Variants in FAM180B observed in about 807,000 individuals in gnomAD.
FAM180B encodes family with sequence similarity 180 member B, also known as protein FAM180B.
In FAM180B, 14 loss-of-function variants were observed where a neutral mutation model predicts 13.6. The ratio of observed to expected loss-of-function variants is 1.03; its 90% CI spans 0.68 to 1.60. The LOEUF is 1.60. Ranked by LOEUF, FAM180B falls within the 40% of genes most tolerant of loss-of-function variation. The pLI is 0.00. For synonymous variants in FAM180B, 109 were observed against 97.0 expected, an observed-to-expected ratio of 1.12 and a Z score of -0.72; for missense variants, 212 against 230.4, an observed-to-expected ratio of 0.92 and a Z score of 0.52.
rs2097272775 is a variant in FAM180B, at chr11:47,588,198, G to A, written c.316G>A (p.Asp106Asn). ...GTEQWLQQLQDLRKGPPLSTW... is the reference protein window; with the variant it reads ...GTEQWLQQLQNLRKGPPLSTW... ...TGAGCAGTGGCTGCAGCAGCTCCAG[G>A]ACCTGCGGAAGGGGCCTCCTCTTAG... is the stretch of plus-strand genomic sequence containing the variant. The change falls in exon 3 of 3, where the codon GAC becomes AAC. Residue 106 changes from aspartate (D) to asparagine (N), a missense_variant. Asp to Asn is a conservative substitution (Grantham distance 23). Coordinates refer to ENST00000538490, the MANE Select transcript of FAM180B (RefSeq NM_001164379.3). The A allele has an allele frequency of 2.6e-6, 4 of 1,537,172 alleles. No individual in the cohort carries two copies. The highest frequency in any genetic ancestry group is 3.5e-6 in the Non-Finnish European group (4 of 1,146,854).
Position 47,587,857 on chromosome 11 carries a change from C to A in FAM180B, c.156+36C>A, listed in dbSNP as rs768673064. ...CCAGCCTGGGACATGGGGGTGGGCACGTCCAGAGGTCCCTAAGCTCAGGGT... is the reference window on the plus strand; with the variant it reads ...CCAGCCTGGGACATGGGGGTGGGCAAGTCCAGAGGTCCCTAAGCTCAGGGT... On this transcript the variant is annotated intron_variant, in intron 2 of 2. Coordinates refer to ENST00000538490, the MANE Select transcript of FAM180B (RefSeq NM_001164379.3). 3 of 1,493,118 alleles carry A rather than the reference C, an allele frequency of 2.0e-6. No homozygotes were observed. In the South Asian group the frequency reaches 3.8e-5, roughly 19 times the overall value. 92.5% of individuals were successfully genotyped at this position (1,493,118 alleles called of 1,614,324 possible).
Position 47,588,366 on chromosome 11 carries a change from G to A in FAM180B, c.484G>A (p.Gly162Ser), listed in dbSNP as rs1468403330. The part of the protein sequence containing the change: ...AQETLWDLCK[G>S]FCPQDRPPSL... ...GGAAACACTCTGGGACCTGTGCAAA[G>A]GTTTCTGCCCCCAGGACCGGCCCCC... Residue 162 changes from glycine to serine, a missense_variant, in exon 3 of 3, where the codon GGT becomes AGT. Gly to Ser is a moderately conservative substitution (Grantham distance 56). Coordinates refer to ENST00000538490, the MANE Select transcript of FAM180B (RefSeq NM_001164379.3). 1 of 1,533,916 alleles carries A rather than the reference G, an allele frequency of 6.5e-7. No homozygotes were observed. Among genetic ancestry groups the A allele is most frequent in the South Asian group, 1.2e-5 (1 of 83,972 alleles).
intron 2 of FAM180B, 39 bp from the exon 3 acceptor site, chr11:47,588,000 C>G: frequency 6.7e-7 from 1 of 1,500,358 alleles, no homozygotes; most frequent in East Asian, 2.5e-5. Flanking sequence ...GCCCTGCTCC[C>G]CAGGCCACAG....
rs1565945982 is a variant in FAM180B, at chr11:47,588,134, C to A, written c.252C>A (p.Leu84=). The A allele has an allele frequency of 6.5e-7, 1 of 1,537,232 alleles. No homozygotes were observed. Among genetic ancestry groups the A allele is most frequent in the East Asian group, 2.4e-5 (1 of 40,914 alleles). The change falls in exon 3 of 3, where the codon CTC becomes CTA. Residue 84 remains leucine (L), a synonymous_variant. Coordinates refer to ENST00000538490, the MANE Select transcript of FAM180B (RefSeq NM_001164379.3). Reference sequence around the variant, plus strand: ...CACACCCAGGCCGCCGACTCAGACTCCTCCTGCAGCACCACGTGCCCAGTG... The same window carrying A: ...CACACCCAGGCCGCCGACTCAGACTACTCCTGCAGCACCACGTGCCCAGTG... The part of the protein sequence containing the change: ...ASTHPGRRLR[L]LLQHHVPSDL...
At position 47,588,422 on chromosome 11, in the gene FAM180B, C is replaced by G. The variant is rs2097272992; in HGVS notation, c.540C>G (p.Asp180Glu). The change falls in exon 3 of 3, where the codon GAC becomes GAG. Residue 180 changes from aspartate to glutamate, a missense_variant. Coordinates refer to ENST00000538490, the MANE Select transcript of FAM180B (RefSeq NM_001164379.3). ...PSLGSWASIL[D>E]PFP is the part of the protein sequence containing the mutation. ...TGGGGTCCTGGGCCTCCATCCTTGACCCCTTCCCCTGACCCTCCTCTTTTG... is the reference window on the plus strand; with the variant it reads ...TGGGGTCCTGGGCCTCCATCCTTGAGCCCTTCCCCTGACCCTCCTCTTTTG... 1 of 1,494,060 alleles carries G rather than the reference C, an allele frequency of 6.7e-7. No homozygotes were observed. Among genetic ancestry groups the G allele is most frequent in the Non-Finnish European group, 8.9e-7 (1 of 1,120,222 alleles). 92.6% of individuals were successfully genotyped at this position (1,494,060 alleles called of 1,614,324 possible). A position where few individuals can be genotyped will look rare whatever the true frequency, so the allele number is the denominator to read the frequency against.
chr11:47,587,896 G>A, intron 2 of FAM180B, 75 bp downstream of exon 2: 3 of 1,426,406 alleles, frequency 2.1e-6, no homozygotes, highest in Non-Finnish European at 2.8e-6. Context: ...GAAGGGGGAT[G>A]TCTCAGGGTG....
In FAM180B at chr11:47,586,805, G is replaced by A. The variant is rs753467875; in HGVS notation, c.37G>A (p.Val13Ile). ...ATLQFLVCLV[V>I]AICLLSGVTT... Reference sequence around the variant, plus strand: ...CCTGCAGTTCCTGGTTTGCCTGGTGGTAGCCATTTGTCTCCTCTCTGGTGT... The same window carrying A: ...CCTGCAGTTCCTGGTTTGCCTGGTGATAGCCATTTGTCTCCTCTCTGGTGT... The change falls in exon 1 of 3, where the codon GTA becomes ATA. Residue 13 changes from valine to isoleucine, a missense_variant. Val to Ile is a conservative substitution (Grantham distance 29). Coordinates refer to ENST00000538490, the MANE Select transcript of FAM180B (RefSeq NM_001164379.3). The A allele has an allele frequency of 3.3e-6, 5 of 1,537,268 alleles. No individual in the cohort carries two copies. In the South Asian group the frequency reaches 5.9e-5, roughly 18 times the overall value.
Position 47,588,616 on chromosome 11 carries a change from T to G in FAM180B, c.*182T>G. 1.8e-6 allele frequency: 1 copy of G among 549,794 alleles called. No homozygotes were observed. The highest frequency in any genetic ancestry group is 3.2e-6 in the Non-Finnish European group (1 of 309,726). 34.1% of individuals were successfully genotyped at this position (549,794 alleles called of 1,614,324 possible). A position where few individuals can be genotyped will look rare whatever the true frequency, so the allele number is the denominator to read the frequency against. ...TCTGCTTACCCCGACCAGATCTTGT[T>G]TCCTAGATCTTGAGAGGCTAAGAAC... On this transcript the variant is annotated 3_prime_UTR_variant, in exon 3 of 3. Coordinates refer to ENST00000538490, the MANE Select transcript of FAM180B (RefSeq NM_001164379.3).
rs2097271872 is a variant in FAM180B, at chr11:47,586,846, C to T, written c.78C>T (p.Pro26=). The T allele has an allele frequency of 6.5e-7, 1 of 1,536,354 alleles. No individual in the cohort carries two copies. Residue 26 remains proline, a synonymous_variant, in exon 1 of 3, where the codon CCC becomes CCT. Coordinates refer to ENST00000538490, the MANE Select transcript of FAM180B (RefSeq NM_001164379.3). The stretch of plus-strand genomic sequence containing the variant: ...TCTCTGGTGTGACTACAACCCAGCC[C>T]CATGCAGGTACCAGGCTTCAGGGTG... The part of the protein sequence containing the change: ...CLLSGVTTTQ[P]HAGQPMDSTS...
At position 47,588,461 on chromosome 11, in the gene FAM180B, C is replaced by A; in HGVS notation, c.*27C>A. 1 of 1,365,212 alleles carries A rather than the reference C, an allele frequency of 7.3e-7. No individual in the cohort carries two copies. Among genetic ancestry groups the A allele is most frequent in the South Asian group, 1.4e-5 (1 of 69,676 alleles). The allele number at this position is 1,365,212 out of a possible 1,614,324, so 84.6% of individuals were successfully genotyped here. On this transcript the variant is annotated 3_prime_UTR_variant, in exon 3 of 3. Transcript: ENST00000538490. ...CCTCCTCTTTTGTTCTTTCACCTGC[C>A]ATTACCCCCTCCCATCTCCTCCTCA...
chr11:47,587,882 T>A lies in FAM180B; in HGVS notation c.156+61T>A, dbSNP rs2153795760. 3 of 1,454,542 alleles carry A rather than the reference T, an allele frequency of 2.1e-6. No individual in the cohort carries two copies. In the East Asian group the frequency reaches 7.4e-5, roughly 36 times the overall value. The allele number at this position is 1,454,542 out of a possible 1,614,324, so 90.1% of individuals were successfully genotyped here. On this transcript the variant is annotated intron_variant, in intron 2 of 2. Coordinates refer to ENST00000538490, the MANE Select transcript of FAM180B (RefSeq NM_001164379.3). ...CGTCCAGAGGTCCCTAAGCTCAGGG[T>A]TGGGAAGGGGGATGTCTCAGGGTGG...
In FAM180B at chr11:47,587,544, G is replaced by C. The variant is rs561472579; in HGVS notation, c.86-207G>C. On this transcript the variant is annotated intron_variant, in intron 1 of 2. Coordinates refer to ENST00000538490, the MANE Select transcript of FAM180B (RefSeq NM_001164379.3). ...GCTTGGAATGATGCTTTTGAGATCA[G>C]AGGACCTATGCCTGGGAGGGTGAAT... Among the ~76,000 whole-genome samples the C allele has an allele frequency of 5.9e-5, 9 of 152,344 alleles. 1 individual carries two copies. In the South Asian group the frequency reaches 1.9e-3, roughly 32 times the overall value.
intron 1 of FAM180B, among the ~76,000 whole-genome samples, chr11:47,587,320 G>A (rs769454553): frequency 6.6e-6 from 1 of 152,148 alleles, no homozygotes; most frequent in Non-Finnish European, 1.5e-5. Flanking sequence ...GAGGAGCAGG[G>A]AGAGTAGGCT....
Position 47,588,343 on chromosome 11 carries a change from A to G in FAM180B, c.461A>G (p.Glu154Gly). Reference sequence around the variant, plus strand: ...CAGGTCTTCGCTCTCCTGGCACAGGAAACACTCTGGGACCTGTGCAAAGGT... The same window carrying G: ...CAGGTCTTCGCTCTCCTGGCACAGGGAACACTCTGGGACCTGTGCAAAGGT... ...WAQVFALLAQETLWDLCKGFC... is the reference protein window; with the variant it reads ...WAQVFALLAQGTLWDLCKGFC... The change falls in exon 3 of 3, where the codon GAA (glutamate) becomes GGA (glycine). Residue 154 changes from glutamate to glycine, a missense_variant. Glu to Gly is a moderately conservative substitution (Grantham distance 98, BLOSUM62 -2). Coordinates refer to ENST00000538490, the MANE Select transcript of FAM180B (RefSeq NM_001164379.3). 1.3e-6 allele frequency: 2 copies of G among 1,536,916 alleles called. No individual in the cohort carries two copies. The highest frequency in any genetic ancestry group is 8.7e-7 in the Non-Finnish European group (1 of 1,146,700).
In FAM180B at chr11:47,586,863, T is replaced by C. The variant is rs1451018043; in HGVS notation, c.85+10T>C. On this transcript the variant is annotated intron_variant, in intron 1 of 2. Transcript: ENST00000538490. ...ACCCAGCCCCATGCAGGTACCAGGC[T>C]TCAGGGTGGGTGGAGAGGAGCCAAG... 2 of 1,531,072 alleles carry C rather than the reference T, an allele frequency of 1.3e-6. No homozygotes were observed. The highest frequency in any genetic ancestry group is 2.4e-5 in the South Asian group (2 of 83,952). 94.8% of individuals were successfully genotyped at this position (1,531,072 alleles called of 1,614,324 possible). A position where few individuals can be genotyped will look rare whatever the true frequency, so the allele number is the denominator to read the frequency against.
intron 1 of FAM180B, 54 bp downstream of exon 1, chr11:47,586,907 T>G (rs1030512465): frequency 3.2e-6 from 4 of 1,233,764 alleles, no homozygotes; most frequent in Non-Finnish European, 4.6e-6. Flanking sequence ...CTGACAGCAG[T>G]TAACAGTTGG....
In FAM180B at chr11:47,588,713, T is replaced by C. The variant is rs1162223424; in HGVS notation, c.*279T>C. On this transcript the variant is annotated 3_prime_UTR_variant, in exon 3 of 3. Transcript: ENST00000538490. Reference sequence around the variant, plus strand: ...AAGGGCACGACTTGCAGGCAGTGTGTGTGTGAGTGTGTGTGTGTGTGTGTG... The same window carrying C: ...AAGGGCACGACTTGCAGGCAGTGTGCGTGTGAGTGTGTGTGTGTGTGTGTG... The C allele has an allele frequency of 6.7e-6, 1 of 148,504 alleles. No individual in the cohort carries two copies. Among genetic ancestry groups the C allele is most frequent in the African/African-American group, 9.4e-5 (1 of 10,674 alleles). The allele number at this position is 148,504 out of a possible 1,614,324, so 9.2% of individuals were successfully genotyped here.
At position 47,588,037 on chromosome 11, in the gene FAM180B, AGCTGCTCTGGGCTGG is replaced by A; in HGVS notation, c.160_174del (p.Leu54_Leu58del). The A allele has an allele frequency of 6.5e-7, 1 of 1,527,072 alleles. No individual in the cohort carries two copies. Among genetic ancestry groups the A allele is most frequent in the Non-Finnish European group, 8.8e-7 (1 of 1,141,426 alleles). 94.6% of individuals were successfully genotyped at this position (1,527,072 alleles called of 1,614,324 possible). On this transcript the variant is annotated splice_acceptor_variant and coding_sequence_variant, in exon 3 of 3. Coordinates refer to ENST00000538490, the MANE Select transcript of FAM180B (RefSeq NM_001164379.3). LOFTEE classifies it high-confidence loss of function. ...CCACCCCTTACATGGCTCCCCTTGC[AGCTGCTCTGGGCTGG>A]GCTGGAGCTGGATGTCATGGGGCAG...
rs947500291 is a variant in FAM180B at position 47,586,780 on chromosome 11, C to T, written c.12C>T (p.Thr4=). Residue 4 remains threonine (T), a synonymous_variant, in exon 1 of 3, where the codon ACC becomes ACT. Coordinates refer to ENST00000538490, the MANE Select transcript of FAM180B (RefSeq NM_001164379.3). ...GGACGTGGTTGAGCATGGCTGCGAC[C>T]CTGCAGTTCCTGGTTTGCCTGGTGG... MAA[T]LQFLVCLVVA... 1.3e-6 allele frequency: 2 copies of T among 1,537,136 alleles called. No individual in the cohort carries two copies. Among genetic ancestry groups the T allele is most frequent in the Non-Finnish European group, 1.7e-6 (2 of 1,146,794 alleles).
Sources: allele counts gnomAD v4.1 joint callset (sites outside exome capture counted in the v4.1 genomes callset), GRCh38; gene constraint gnomAD v4.1.1; transcripts MANE v1.5; gene names NCBI Gene and HGNC (gene_info 2026-07-23, HGNC 2026-07-21).